The following CDK8 variants were observed in gnomAD, a reference collection of about 807,000 sequenced individuals.
The protein encoded by CDK8 is cyclin-dependent kinase 8.
A neutral mutation model predicts 71.5 loss-of-function variants in CDK8; 29 were observed. The ratio of observed to expected loss-of-function variants is 0.41; its 90% CI spans 0.30 to 0.55. The LOEUF (loss-of-function observed/expected upper bound fraction) is 0.55. Among genes scored for constraint, CDK8 ranks in the 20% least tolerant of loss-of-function variants. CDK8 has a pLI of 0.37. For missense variants in CDK8, 288 were observed against 572.6 expected, an observed-to-expected ratio of 0.50 and a Z score of 5.07; for synonymous variants, 161 against 192.1, an observed-to-expected ratio of 0.84 and a Z score of 1.34.
intron 6 of CDK8, among the ~76,000 whole-genome samples, chr13:26,389,754 T>C (rs1238205173): frequency 6.6e-6 from 1 of 151,976 alleles, no homozygotes; most frequent in Non-Finnish European, 1.5e-5. Flanking sequence ...TCCCAGCACT[T>C]TGGGAGGCCA....
At chr13:26,261,705 A>G (rs1327244758) in intron 1 of CDK8, among the ~76,000 whole-genome samples, 3 of 152,192 alleles carry the variant, frequency 2.0e-5, no homozygotes, top group African/African-American at 7.2e-5. Context: ...TTATATATTC[A>G]TCAATTGGGC....
At chr13:26,381,538 A>G (rs754269720) in intron 4 of CDK8, among the ~76,000 whole-genome samples, 1 of 152,246 alleles carries the variant, frequency 6.6e-6, no homozygotes, top group East Asian at 1.9e-4. Flanking sequence ...AGTGCATATT[A>G]ATTCCAAAAA....
chr13:26,285,286 G>A (rs1872955049), intron 1 of CDK8, among the ~76,000 whole-genome samples: 3 of 152,076 alleles, frequency 2.0e-5, no homozygotes, highest in African/African-American at 7.2e-5. Context: ...AAATTCAATA[G>A]CTTATCAAAA....
intron 1 of CDK8, among the ~76,000 whole-genome samples, chr13:26,318,309 A>T (rs893563188): frequency 2.0e-5 from 3 of 148,834 alleles, no homozygotes; most frequent in Admixed American, 6.7e-5. Context: ...CTCTTGATTT[A>T]AAAAAAAAAG....
chr13:26,316,533 A>G (rs1322848923), intron 1 of CDK8, among the ~76,000 whole-genome samples: 2 of 152,160 alleles, frequency 1.3e-5, no homozygotes, highest in Middle Eastern at 3.2e-3. Flanking sequence ...AGGATATTCA[A>G]AAACAACTGC....
At chr13:26,262,583 G>A (rs1318101958) in intron 1 of CDK8, among the ~76,000 whole-genome samples, 1 of 152,150 alleles carries the variant, frequency 6.6e-6, no homozygotes, top group East Asian at 1.9e-4. Flanking sequence ...TCAATCCAAA[G>A]GCAAGAGCAA....
intron 9 of CDK8, among the ~76,000 whole-genome samples, chr13:26,399,340 T>C (rs1464435429): frequency 6.6e-6 from 1 of 152,168 alleles, no homozygotes; most frequent in African/African-American, 2.4e-5. Context: ...GTCTGTTAGT[T>C]CATTGGTTTT....
chr13:26,387,715 G>GCCTTCC (rs1395487586), intron 6 of CDK8, among the ~76,000 whole-genome samples: 4 of 152,278 alleles, frequency 2.6e-5, no homozygotes, highest in African/African-American at 9.6e-5. Context: ...GACCTTCTCT[G>GCCTTCC]AACTGTCTTG....
chr13:26,361,139 A>G (rs1243062179), intron 4 of CDK8, among the ~76,000 whole-genome samples: 2 of 152,174 alleles, frequency 1.3e-5, no homozygotes, highest in Non-Finnish European at 1.5e-5. Context: ...TTGGAACATT[A>G]CTATCATAGT....
intron 1 of CDK8, among the ~76,000 whole-genome samples, chr13:26,301,212 CTTT>C (rs36054795): frequency 3.2e-4 from 30 of 92,894 alleles, no homozygotes; most frequent in South Asian, 1.2e-3. Context: ...TATCAGTAGA[CTTT>C]TTTTTTTTTT....
At chr13:26,317,432 A>AGT (rs1423718918) in intron 1 of CDK8, among the ~76,000 whole-genome samples, 1 of 152,194 alleles carries the variant, frequency 6.6e-6, no homozygotes, top group Non-Finnish European at 1.5e-5. Flanking sequence ...AGGACTTAAT[A>AGT]AACTAACTAG....
rs377417987 is a variant in CDK8, at chr13:26,378,443, G to A, written c.457-4371G>A. Reference sequence around the variant, plus strand: ...TTTGGGAGTGCAGCAGCAAAAAGAAGAAGAAAAGCCTGGGAGAAATAAAAC... The same window carrying A: ...TTTGGGAGTGCAGCAGCAAAAAGAAAAAGAAAAGCCTGGGAGAAATAAAAC... On this transcript the variant is annotated intron_variant, in intron 4 of 12. Coordinates refer to ENST00000381527, the MANE Select transcript of CDK8 (RefSeq NM_001260.3). Among the ~76,000 whole-genome samples the A allele has an allele frequency of 5.3e-5, 8 of 152,232 alleles. No homozygotes were observed. The East Asian group carries it at 1.4e-3, about 26-fold the overall frequency.
intron 1 of CDK8, among the ~76,000 whole-genome samples, chr13:26,307,700 C>G (rs1263686011): frequency 6.6e-6 from 1 of 151,904 alleles, no homozygotes; most frequent in East Asian, 1.9e-4. Context: ...TAGAAATAAC[C>G]AACATGCTTG....
rs147901425 is a variant in CDK8 at position 26,279,359 on chromosome 13, T to C, written c.128+24590T>C. On this transcript the variant is annotated intron_variant, in intron 1 of 12. Coordinates refer to ENST00000381527, the MANE Select transcript of CDK8 (RefSeq NM_001260.3). ...AATTGCAAAAAAGAAAATGTACCTT[T>C]GTAATTGAGAGTCTGGCAATCATCA... Among the ~76,000 whole-genome samples, 810 of 152,234 alleles carry C rather than the reference T, an allele frequency of 5.3e-3. 4 individuals carry two copies. Among genetic ancestry groups the C allele is most frequent in the Non-Finnish European group, 9.4e-3 (640 of 68,008 alleles).
chr13:26,367,875 A>G (rs1874465450), intron 4 of CDK8, among the ~76,000 whole-genome samples: 1 of 152,218 alleles, frequency 6.6e-6, no homozygotes, highest in South Asian at 2.1e-4. Flanking sequence ...TCTGCCTGGT[A>G]TCTTTTTCTC....
chr13:26,356,946 T>C (rs1426715720), intron 4 of CDK8, among the ~76,000 whole-genome samples: 3 of 152,186 alleles, frequency 2.0e-5, no homozygotes, highest in Non-Finnish European at 4.4e-5. Flanking sequence ...ACCAGTTGGC[T>C]GACATGCCAC....
intron 4 of CDK8, among the ~76,000 whole-genome samples, chr13:26,361,674 T>C (rs2138011746): frequency 6.6e-6 from 1 of 152,176 alleles, no homozygotes; most frequent in African/African-American, 2.4e-5. Flanking sequence ...AAATTATAAG[T>C]CACGCCATTG....
intron 1 of CDK8, among the ~76,000 whole-genome samples, chr13:26,260,940 G>C (rs185246291): frequency 9.2e-5 from 14 of 152,188 alleles, no homozygotes; most frequent in Admixed American, 7.9e-4. Context: ...CTCTTTTTCT[G>C]TTCTTAGCTG....
intron 4 of CDK8, among the ~76,000 whole-genome samples, chr13:26,362,136 T>A (rs1874171201): frequency 6.6e-6 from 1 of 152,056 alleles, no homozygotes; most frequent in South Asian, 2.1e-4. Context: ...AGCCATTAAT[T>A]TTTGTAAAGT....
Sources: allele counts gnomAD v4.1 joint callset (sites outside exome capture counted in the v4.1 genomes callset), GRCh38; gene constraint gnomAD v4.1.1; transcripts MANE v1.5; gene names NCBI Gene and HGNC (gene_info 2026-07-23, HGNC 2026-07-21).